The following TANC2 variants were observed in gnomAD, a reference collection of about 807,000 sequenced individuals.
TANC2 encodes the protein protein TANC2.
In TANC2, 26 loss-of-function variants were observed where a neutral mutation model predicts 210.5. The observed-to-expected ratio is 0.12, with a 90% CI of 0.09 to 0.17. The LOEUF (loss-of-function observed/expected upper bound fraction) is 0.17, where lower values mean the gene tolerates loss of function less well. TANC2 is among the 10% of genes least tolerant of loss of function. TANC2 has a pLI of 1.00. For missense variants in TANC2, 2,129 were observed against 2,608.9 expected, an observed-to-expected ratio of 0.82 and a Z score of 4.01; for synonymous variants, 931 against 967.1, an observed-to-expected ratio of 0.96 and a Z score of 0.69.
chr17:63,056,981 A>AT (rs1221869243), intron 2 of TANC2, among the ~76,000 whole-genome samples: 1 of 150,912 alleles, frequency 6.6e-6, no homozygotes, highest in Non-Finnish European at 1.5e-5. Context: ...AAAGGCAAGG[A>AT]TTTTTTTGTT....
Position 63,418,363 on chromosome 17 carries a change from T to C in TANC2, c.4224T>C (p.Ser1408=). The C allele has an allele frequency of 1.2e-6, 2 of 1,613,304 alleles. No individual in the cohort carries two copies. Among genetic ancestry groups the C allele is most frequent in the South Asian group, 2.2e-5 (2 of 90,694 alleles). The stretch of plus-strand genomic sequence containing the variant: ...AGGCCCTGGAGCTGAAACCGAAATC[T>C]TATGAAGCTTACTATGCGAGAGCAA... The change falls in exon 27 of 28, where the codon TCT becomes TCC. Residue 1408 remains serine, a synonymous_variant. Coordinates refer to ENST00000689528, the Ensembl canonical transcript of TANC2. This position sits in a 1 kb window ranked among gnomAD's most constrained non-coding sequence, Gnocchi z 4.6.
In TANC2 at chr17:63,418,356, C is replaced by G; in HGVS notation, c.4217C>G (p.Pro1406Arg). ...GCTACTAAGGCCCTGGAGCTGAAAC[C>G]GAAATCTTATGAAGCTTACTATGCG... The change falls in exon 27 of 28, where the codon CCG becomes CGG. Residue 1406 changes from proline to arginine, a missense_variant. Coordinates refer to ENST00000689528, the Ensembl canonical transcript of TANC2. This position sits in a 1 kb window ranked among gnomAD's most constrained non-coding sequence, Gnocchi z 4.6. The G allele has an allele frequency of 6.2e-7, 1 of 1,613,330 alleles. No individual in the cohort carries two copies. The highest frequency in any genetic ancestry group is 8.5e-7 in the Non-Finnish European group (1 of 1,179,714).
At chr17:63,372,077 A>C (rs1035404646) in intron 14 of TANC2, among the ~76,000 whole-genome samples, 28 of 152,188 alleles carry the variant, frequency 1.8e-4, no homozygotes, top group Non-Finnish European at 2.9e-5. Flanking sequence ...AGGATCCTCA[A>C]CTGTGACCTG....
At chr17:63,405,066 G>C in intron 19 of TANC2, 56 bp from the exon 20 acceptor site, 3 of 1,472,640 alleles carry the variant, frequency 2.0e-6, no homozygotes. Context: ...CGTTTAACAT[G>C]GAGCGCTGGA....
At chr17:63,182,135 C>T (rs2040806555) in intron 5 of TANC2, 1 of 153,220 alleles carries the variant, frequency 6.5e-6, no homozygotes, top group Non-Finnish European at 1.5e-5. Flanking sequence ...CCGCTCATGT[C>T]CTCCAGCCTG....
chr17:63,174,548 C>T (rs1278306861), intron 5 of TANC2, among the ~76,000 whole-genome samples: 1 of 152,186 alleles, frequency 6.6e-6, no homozygotes, highest in Non-Finnish European at 1.5e-5. Context: ...AATTCCTTAG[C>T]ATATCATCAT....
chr17:63,215,573 T>C (rs2042002916), intron 7 of TANC2, among the ~76,000 whole-genome samples: 1 of 152,096 alleles, frequency 6.6e-6, no homozygotes, highest in African/African-American at 2.4e-5. Context: ...TATTTAATCA[T>C]GCCTAAGTAG....
intron 12 of TANC2, among the ~76,000 whole-genome samples, chr17:63,341,203 A>G (rs181324576): frequency 6.6e-6 from 1 of 152,296 alleles, no homozygotes; most frequent in African/African-American, 2.4e-5. Flanking sequence ...ATCTTCAGTT[A>G]TTTCAGCTTC....
intron 2 of TANC2, among the ~76,000 whole-genome samples, chr17:63,073,552 A>G (rs2036472469): frequency 6.6e-6 from 1 of 152,210 alleles, no homozygotes. Context: ...ACTAGGGATT[A>G]TTTGATGTGC....
chr17:63,219,481 C>T (rs193031875), intron 7 of TANC2, among the ~76,000 whole-genome samples: 2 of 152,108 alleles, frequency 1.3e-5, no homozygotes, highest in Non-Finnish European at 2.9e-5. Flanking sequence ...AGTGCAATCC[C>T]AAACAAAATC....
intron 2 of TANC2, among the ~76,000 whole-genome samples, chr17:63,057,829 G>T (rs193101790): frequency 2.0e-5 from 3 of 152,240 alleles, no homozygotes; most frequent in Admixed American, 2.0e-4. Flanking sequence ...TACCCAGTCT[G>T]CCATTGATGG....
intron 4 of TANC2, chr17:63,148,508 C>T (rs2039537905): frequency 1.3e-5 from 2 of 152,228 alleles, no homozygotes; most frequent in Admixed American, 6.5e-5. Context: ...ACCTCTAAGC[C>T]GATATGCATT....
intron 2 of TANC2, among the ~76,000 whole-genome samples, chr17:63,050,253 A>G (rs933656304): frequency 3.3e-5 from 5 of 151,584 alleles, no homozygotes; most frequent in African/African-American, 1.2e-4. Flanking sequence ...CCTACTCAGG[A>G]GGCTGAGGTG....
intron 11 of TANC2, chr17:63,320,362 G>A (rs1208812936): frequency 2.0e-5 from 3 of 152,134 alleles, no homozygotes; most frequent in African/African-American, 7.2e-5. Flanking sequence ...TCTGGACCTA[G>A]GACACTCTGA....
chr17:63,387,004 C>T (rs2047803657), intron 15 of TANC2, among the ~76,000 whole-genome samples: 4 of 151,994 alleles, frequency 2.6e-5, no homozygotes, highest in Non-Finnish European at 5.9e-5. Flanking sequence ...AGGCATGCAC[C>T]AGCATGCCTG....
chr17:63,296,439 G>C (rs2044539056), intron 9 of TANC2, among the ~76,000 whole-genome samples: 1 of 152,192 alleles, frequency 6.6e-6, no homozygotes, highest in Non-Finnish European at 1.5e-5. Flanking sequence ...CCCTGTGAAG[G>C]AGGCAGAATC....
intron 7 of TANC2, among the ~76,000 whole-genome samples, chr17:63,203,712 CAG>C (rs1438855755): frequency 6.6e-6 from 1 of 151,968 alleles, no homozygotes; most frequent in African/African-American, 2.4e-5. Context: ...GAGAAGAAAA[CAG>C]AGGACTGAGC....
intron 9 of TANC2, among the ~76,000 whole-genome samples, chr17:63,285,042 C>T (rs2044178864): frequency 6.6e-6 from 1 of 152,082 alleles, no homozygotes; most frequent in Non-Finnish European, 1.5e-5. Flanking sequence ...ATAAAAACCA[C>T]TCCACCTTTC....
intron 5 of TANC2, chr17:63,182,553 A>G (rs1294180052): frequency 2.1e-5 from 5 of 235,870 alleles, no homozygotes; most frequent in Non-Finnish European, 4.4e-5. Context: ...TGGGGAATCA[A>G]AGGGGTTCCT....
Sources: gnomAD v4.1 joint callset for allele counts (sites outside exome capture counted in the v4.1 genomes callset) on GRCh38, gnomAD v4.1.1 for gene constraint, Gnocchi (gnomAD v3.1) non-coding constraint, MANE v1.5 for transcripts, NCBI Gene and HGNC (gene_info 2026-07-23, HGNC 2026-07-21) for gene names.